Variants in LYN observed in about 807,000 individuals in gnomAD.
LYN encodes the protein LYN proto-oncogene, Src family tyrosine kinase.
A neutral mutation model predicts 65.0 loss-of-function variants in LYN; 12 were observed. The observed-to-expected ratio is 0.18, with a 90% CI of 0.12 to 0.30. The LOEUF (loss-of-function observed/expected upper bound fraction) is 0.30. LYN is among the 10% of genes least tolerant of loss of function. The probability of loss-of-function intolerance (pLI) is 1.00; values close to 1 mark genes in which losing one functional copy is unlikely to be tolerated. For missense variants in LYN, 380 were observed against 623.2 expected, an observed-to-expected ratio of 0.61 and a Z score of 4.16; for synonymous variants, 222 against 221.2, an observed-to-expected ratio of 1.00 and a Z score of -0.03.
Position 56,010,317 on chromosome 8 carries a change from C to T in LYN, c.*207C>T, listed in dbSNP as rs1487112098. On this transcript the variant is annotated 3_prime_UTR_variant, in exon 13 of 13. Transcript: ENST00000519728. ...AGATGGATTCTCCACTCAGTTGCAA[C>T]TTGGACTTGTCCTCAGCAGCTGGTA... 1.1e-5 allele frequency: 6 copies of T among 545,968 alleles called. No homozygotes were observed. The Admixed American group carries it at 1.9e-4, about 18-fold the overall frequency. The allele number at this position is 545,968 out of a possible 1,614,324, so 33.8% of individuals were successfully genotyped here. A position where few individuals can be genotyped will look rare whatever the true frequency, so the allele number is the denominator to read the frequency against.
At chr8:56,009,853 T>A (rs1808764824) in intron 12 of LYN, 55 bp from the exon 13 acceptor site, 3 of 1,456,910 alleles carry the variant, frequency 2.1e-6, no homozygotes, top group Middle Eastern at 2.1e-4. Flanking sequence ...CTTGACCCTC[T>A]GCCAGGTTTC....
At chr8:55,896,505 G>C (rs958037201) in intron 1 of LYN, among the ~76,000 whole-genome samples, 3 of 151,976 alleles carry the variant, frequency 2.0e-5, no homozygotes, top group Non-Finnish European at 4.4e-5. Context: ...GGCCTGTCGG[G>C]GGGTGGGGGG....
chr8:55,963,554 C>T (rs563661703), intron 8 of LYN, among the ~76,000 whole-genome samples: 31 of 152,338 alleles, frequency 2.0e-4, no homozygotes, highest in African/African-American at 7.2e-4. Flanking sequence ...CTCCAGAGTC[C>T]CTCCCAAGGG....
At position 56,012,725 on chromosome 8, in the gene LYN, A is replaced by AT. The variant is rs1808851668; in HGVS notation, c.*2615_*2616insT. Reference sequence around the variant, plus strand: ...GAGTGAGACCCTGTCTCAAAAAAAAAAACCAAAAAAACAAAAAAACCCTTC... The same window carrying AT: ...GAGTGAGACCCTGTCTCAAAAAAAAATAACCAAAAAAACAAAAAAACCCTTC... On this transcript the variant is annotated 3_prime_UTR_variant, in exon 13 of 13. Coordinates refer to ENST00000519728, the MANE Select transcript of LYN (RefSeq NM_002350.4). The AT allele has an allele frequency of 6.5e-6, 1 of 152,838 alleles. No individual in the cohort carries two copies. The highest frequency in any genetic ancestry group is 1.5e-5 in the Non-Finnish European group (1 of 68,634). The allele number at this position is 152,838 out of a possible 1,614,324, so 9.5% of individuals were successfully genotyped here.
intron 8 of LYN, among the ~76,000 whole-genome samples, chr8:55,960,402 G>A (rs1273970491): frequency 6.6e-6 from 1 of 152,070 alleles, no homozygotes; most frequent in Non-Finnish European, 1.5e-5. Flanking sequence ...GAAAATAGAA[G>A]AGAAAAAAAT....
intron 1 of LYN, among the ~76,000 whole-genome samples, chr8:55,921,629 G>A (rs1227196502): frequency 6.6e-6 from 1 of 152,132 alleles, no homozygotes; most frequent in Non-Finnish European, 1.5e-5. Flanking sequence ...AGGAGTGCAT[G>A]AGCCAAGATG....
At chr8:55,911,633 G>A (rs1460632160) in intron 1 of LYN, among the ~76,000 whole-genome samples, 1 of 150,802 alleles carries the variant, frequency 6.6e-6, no homozygotes, top group South Asian at 2.1e-4. Context: ...CATTGTACTA[G>A]GGTGTCCTGT....
At chr8:55,958,016 C>T (rs1392470367) in intron 8 of LYN, among the ~76,000 whole-genome samples, 2 of 152,158 alleles carry the variant, frequency 1.3e-5, no homozygotes, top group East Asian at 3.8e-4. Context: ...CTGCTGTCAG[C>T]TGTGGTGTCA....
intron 3 of LYN, among the ~76,000 whole-genome samples, chr8:55,947,359 G>A (rs2130485688): frequency 6.6e-6 from 1 of 152,302 alleles, no homozygotes; most frequent in South Asian, 2.1e-4. Context: ...GTGAACATGG[G>A]TGTATAATTT....
At chr8:55,882,285 C>T (rs1804673556) in intron 1 of LYN, among the ~76,000 whole-genome samples, 1 of 152,180 alleles carries the variant, frequency 6.6e-6, no homozygotes, top group Non-Finnish European at 1.5e-5. Flanking sequence ...CGCCCCTGCC[C>T]TCCAATAGCT....
At chr8:56,000,462 C>T (rs1367546919) in intron 12 of LYN, among the ~76,000 whole-genome samples, 1 of 152,066 alleles carries the variant, frequency 6.6e-6, no homozygotes, top group Admixed American at 6.6e-5. Context: ...GGTGCAGTGG[C>T]TTACACCTGT....
intron 2 of LYN, among the ~76,000 whole-genome samples, chr8:55,943,575 C>CAAA (rs71555625): frequency 6.4e-5 from 5 of 77,868 alleles, no homozygotes; most frequent in Admixed American, 1.4e-4. Context: ...GACTCTGTCT[C>CAAA]AAAAAAAAAA....
intron 1 of LYN, among the ~76,000 whole-genome samples, chr8:55,899,389 T>TA (rs1474220719): frequency 2.6e-5 from 4 of 152,318 alleles, no homozygotes; most frequent in South Asian, 2.1e-4. Context: ...GGTTATTTTT[T>TA]AAAAAATCAC....
chr8:55,987,566 G>A (rs756544051), intron 10 of LYN, among the ~76,000 whole-genome samples: 4 of 152,052 alleles, frequency 2.6e-5, no homozygotes, highest in South Asian at 2.1e-4. Context: ...ATGGGTGCCC[G>A]CCACCACACC....
chr8:55,941,725 G>C (rs1313213516), intron 1 of LYN, 130 bp from the exon 2 acceptor site: 11 of 600,244 alleles, frequency 1.8e-5, no homozygotes, highest in Non-Finnish European at 3.1e-5. Context: ...TATTCACTTT[G>C]AGTTTATTAA....
At chr8:55,992,837 T>C (rs988189168) in intron 10 of LYN, among the ~76,000 whole-genome samples, 3 of 152,184 alleles carry the variant, frequency 2.0e-5, no homozygotes, top group African/African-American at 7.2e-5. Flanking sequence ...TCAAACTCTC[T>C]GTGAAGCCTA....
intron 1 of LYN, among the ~76,000 whole-genome samples, chr8:55,908,287 C>T (rs1805489614): frequency 6.7e-6 from 1 of 150,150 alleles, no homozygotes; most frequent in Admixed American, 6.6e-5. Flanking sequence ...CTGTGTCACC[C>T]AGGCTGGAGT....
chr8:55,999,397 AC>A lies in LYN; in HGVS notation c.1205-19del. On this transcript the variant is annotated intron_variant, in intron 11 of 12. Transcript: ENST00000519728. ...TTTAAGTTTAAATACCCAAGTAAGA[AC>A]CACATATCTTCTTCCTTAGGTGCTA... 6.2e-7 allele frequency: 1 copy of A among 1,608,816 alleles called. No homozygotes were observed.
At chr8:55,898,164 C>T (rs1039449653) in intron 1 of LYN, among the ~76,000 whole-genome samples, 6 of 152,102 alleles carry the variant, frequency 3.9e-5, no homozygotes. Context: ...CACCCCCAGC[C>T]CAATGCCTGG....
Sources: gnomAD v4.1 joint callset for allele counts (sites outside exome capture counted in the v4.1 genomes callset) on GRCh38, gnomAD v4.1.1 for gene constraint, MANE v1.5 for transcripts, NCBI Gene and HGNC (gene_info 2026-07-23, HGNC 2026-07-21) for gene names.